ABCG2: variants seen among roughly 807,000 people sequenced by gnomAD.
ABCG2 encodes broad substrate specificity ATP-binding cassette transporter ABCG2.
A neutral mutation model predicts 73.5 loss-of-function variants in ABCG2; 80 were observed. The observed-to-expected ratio is 1.09, with a 90% CI of 0.91 to 1.31. The LOEUF (loss-of-function observed/expected upper bound fraction) is 1.31. ABCG2 is among the 50% of genes most tolerant of loss of function. The pLI is 0.00. For synonymous variants in ABCG2, 269 were observed against 282.4 expected (o/e 0.95, Z 0.48); for missense variants, 796 against 786.2 (o/e 1.01, Z -0.15).
intron 1 of ABCG2, among the ~76,000 whole-genome samples, chr4:88,165,738 G>T (rs1323145932): frequency 6.6e-6 from 1 of 152,174 alleles, no homozygotes; most frequent in Admixed American, 6.5e-5. Context: ...AGCGGGCATG[G>T]TGGCATGCGC....
At chr4:88,147,020 A>G (rs1242168219) in intron 1 of ABCG2, among the ~76,000 whole-genome samples, 1 of 118,662 alleles carries the variant, frequency 8.4e-6, no homozygotes, top group Admixed American at 9.3e-5. Flanking sequence ...AGAAAAGGAA[A>G]GAAAGAAAGA....
chr4:88,101,313 C>G lies in ABCG2; in HGVS notation c.1284G>C (p.Gly428=). 7 of 1,614,096 alleles carry G rather than the reference C, an allele frequency of 4.3e-6. No individual in the cohort carries two copies. Among genetic ancestry groups the G allele is most frequent in the Non-Finnish European group, 5.9e-6 (7 of 1,179,992 alleles). Reference sequence around the variant, plus strand: ...GGTTGGTCGTCAGGAAGAAGAGAACCCCAGCTCTGCCATGAAAAGGGGAAC... The same window carrying G: ...GGTTGGTCGTCAGGAAGAAGAGAACGCCAGCTCTGCCATGAAAAGGGGAAC... ...NDSTGIQNRA[G]VLFFLTTNQC... is the part of the protein sequence containing the mutation. Residue 428 remains glycine (G), a synonymous_variant, in exon 11 of 16, where the codon GGG becomes GGC. Coordinates refer to ENST00000237612, the MANE Select transcript of ABCG2 (RefSeq NM_004827.3).
intron 5 of ABCG2, 40 bp from the exon 6 acceptor site, chr4:88,121,832 G>A: frequency 3.1e-6 from 5 of 1,593,436 alleles, no homozygotes; most frequent in Non-Finnish European, 4.3e-6. Flanking sequence ...ATAACAACCA[G>A]TCATTATCAT....
At position 88,158,563 on chromosome 4, in the gene ABCG2, T is replaced by A. The variant is rs1290047377; in HGVS notation, c.-197A>T. 3.7e-5 allele frequency: 17 copies of A among 456,276 alleles called. No individual in the cohort carries two copies. The highest frequency in any genetic ancestry group is 3.1e-5 in the Non-Finnish European group (7 of 226,968). 28.3% of individuals were successfully genotyped at this position (456,276 alleles called of 1,614,324 possible). A position where few individuals can be genotyped will look rare whatever the true frequency, so the allele number is the denominator to read the frequency against. On this transcript the variant is annotated 5_prime_UTR_variant, in exon 1 of 16. Transcript: ENST00000237612. ...GACCACCAAGCATGTGCACGGTGCG[T>A]TCCTAAATCCTACCCAGTTCCTCCA... is the stretch of plus-strand genomic sequence containing the variant.
chr4:88,202,368 A>ATATATATATATATATATATATATATG (rs1729215035), intron 1 of ABCG2, among the ~76,000 whole-genome samples: 2 of 112,586 alleles, frequency 1.8e-5, no homozygotes, highest in Non-Finnish European at 3.9e-5. Flanking sequence ...ATATATATAT[A>ATATATATATATATATATATATATATG]TATATATATG....
intron 1 of ABCG2, among the ~76,000 whole-genome samples, chr4:88,155,827 A>G (rs1176659150): frequency 6.6e-6 from 1 of 151,810 alleles, no homozygotes; most frequent in East Asian, 1.9e-4. Flanking sequence ...AATTGCTTGA[A>G]CCCAGGAAGC....
chr4:88,144,451 T>TC (rs1387616457), intron 1 of ABCG2, among the ~76,000 whole-genome samples: 2 of 49,104 alleles, frequency 4.1e-5, no homozygotes, highest in Non-Finnish European at 8.2e-5. Context: ...CATTTTTACT[T>TC]TTTTTTTTTT....
intron 1 of ABCG2, among the ~76,000 whole-genome samples, chr4:88,202,350 T>TATATATATATATA (rs1553945697): frequency 2.8e-5 from 1 of 35,392 alleles, no homozygotes; most frequent in Non-Finnish European, 4.8e-5. Flanking sequence ...ATCTCTACAA[T>TATATATATATATA]TATTTATATA....
chr4:88,146,318 A>G (rs935103079), intron 1 of ABCG2, among the ~76,000 whole-genome samples: 1 of 140,856 alleles, frequency 7.1e-6, no homozygotes, highest in Non-Finnish European at 1.6e-5. Flanking sequence ...ACCAAAAAAA[A>G]AAAGTTTCCT....
In ABCG2 at chr4:88,099,445, A is replaced by G. The variant is rs1163145338; in HGVS notation, c.1371T>C (p.His457=). The change falls in exon 12 of 16, where the codon CAT becomes CAC. Residue 457 remains histidine (H), a synonymous_variant. Coordinates refer to ENST00000237612, the MANE Select transcript of ABCG2 (RefSeq NM_004827.3). ...LFVVEKKLFI[H]EYISGYYRVS... ...CTCTGTAGTATCCGCTGATGTATTC[A>G]TGTCTATAGAACAAAAATACGTATC... 3 of 1,599,502 alleles carry G rather than the reference A, an allele frequency of 1.9e-6. No individual in the cohort carries two copies. The highest frequency in any genetic ancestry group is 1.7e-6 in the Non-Finnish European group (2 of 1,175,194).
At chr4:88,223,436 G>A (rs2110132435) in intron 1 of ABCG2, among the ~76,000 whole-genome samples, 1 of 152,228 alleles carries the variant, frequency 6.6e-6, no homozygotes, top group East Asian at 1.9e-4. Context: ...GTGACAGTGA[G>A]TTCTCATGAG....
Position 88,222,715 on chromosome 4 carries a change from G to A in ABCG2, c.-20+8279C>T, listed in dbSNP as rs558086951. On this transcript the variant is annotated intron_variant, in intron 1 of 15. Transcript: ENST00000515655. Reference sequence around the variant, plus strand: ...AATGTGGGGTTGGAGCCCCCACACAGAGTCCCCAGTGGGGCACCGCCTAGT... The same window carrying A: ...AATGTGGGGTTGGAGCCCCCACACAAAGTCCCCAGTGGGGCACCGCCTAGT... Among the ~76,000 whole-genome samples, 3 of 152,310 alleles carry A rather than the reference G, an allele frequency of 2.0e-5. No individual in the cohort carries two copies. The East Asian group carries it at 5.8e-4, about 29-fold the overall frequency.
intron 1 of ABCG2, among the ~76,000 whole-genome samples, chr4:88,222,866 G>A (rs1410686951): frequency 6.6e-6 from 1 of 152,172 alleles, no homozygotes; most frequent in Non-Finnish European, 1.5e-5. Context: ...TGGAAGAGGG[G>A]GCTATACCTT....
chr4:88,148,684 G>A (rs1011536284), intron 1 of ABCG2, among the ~76,000 whole-genome samples: 1 of 152,166 alleles, frequency 6.6e-6, no homozygotes, highest in African/African-American at 2.4e-5. Context: ...TATGCCAACT[G>A]TACACACGGT....
chr4:88,123,785 GC>G (rs1461425446), intron 5 of ABCG2, among the ~76,000 whole-genome samples: 2 of 152,046 alleles, frequency 1.3e-5, no homozygotes, highest in Non-Finnish European at 2.9e-5. Flanking sequence ...AGCAAGACAG[GC>G]CAACATTCTA....
At chr4:88,131,677 G>A in intron 4 of ABCG2, 126 bp downstream of exon 4, 3 of 657,196 alleles carry the variant, frequency 4.6e-6, no homozygotes, top group Non-Finnish European at 7.8e-6. Flanking sequence ...AAGAAAAGCT[G>A]CTGTAAAGAA....
chr4:88,138,399 T>C (rs1258828990), intron 2 of ABCG2, among the ~76,000 whole-genome samples: 1 of 152,142 alleles, frequency 6.6e-6, no homozygotes, highest in Non-Finnish European at 1.5e-5. Flanking sequence ...GGTCAGACTG[T>C]TTTTATCTTC....
At chr4:88,204,423 C>G (rs1171816124) in intron 1 of ABCG2, among the ~76,000 whole-genome samples, 11 of 151,780 alleles carry the variant, frequency 7.2e-5, no homozygotes, top group Admixed American at 7.2e-4. Flanking sequence ...CCATCTCAAA[C>G]AAACAAACAA....
At chr4:88,155,846 T>C (rs548581907) in intron 1 of ABCG2, among the ~76,000 whole-genome samples, 11 of 151,522 alleles carry the variant, frequency 7.3e-5, no homozygotes, top group African/African-American at 2.7e-4. Context: ...GCGGAGGAGG[T>C]TGCAGTCAGC....
Sources: allele counts gnomAD v4.1 joint callset (sites outside exome capture counted in the v4.1 genomes callset), GRCh38; gene constraint gnomAD v4.1.1; transcripts MANE v1.5; gene names NCBI Gene and HGNC (gene_info 2026-07-23, HGNC 2026-07-21).